Variants in TNRC18 observed in about 807,000 individuals in gnomAD.
TNRC18 encodes the protein trinucleotide repeat containing 18.
Under a neutral mutation model 226.7 loss-of-function variants are expected in TNRC18, and 69 were observed. That is an observed-to-expected ratio of 0.30 (90% CI 0.25 to 0.37). The LOEUF (loss-of-function observed/expected upper bound fraction) is 0.37. Among genes scored for constraint, TNRC18 ranks in the 10% least tolerant of loss-of-function variants. TNRC18 has a pLI of 1.00. For missense variants in TNRC18, 4,754 were observed against 4,256.6 expected, an observed-to-expected ratio of 1.12 and a Z score of -3.25; for synonymous variants, 2,449 against 1,927.6, an observed-to-expected ratio of 1.27 and a Z score of -7.09.
At chr7:5,391,456 C>T (rs768102852) in intron 3 of TNRC18, among the ~76,000 whole-genome samples, 11 of 151,876 alleles carry the variant, frequency 7.2e-5, no homozygotes, top group Admixed American at 2.0e-4. Context: ...GGATTACAGG[C>T]GCCTGCTACC....
chr7:5,388,930 G>C lies in TNRC18; in HGVS notation c.894C>G (p.Ala298=). The C allele has an allele frequency of 1.5e-6, 2 of 1,378,200 alleles. No homozygotes were observed. Among genetic ancestry groups the C allele is most frequent in the South Asian group, 1.4e-5 (1 of 72,618 alleles). The allele number at this position is 1,378,200 out of a possible 1,614,324, so 85.4% of individuals were successfully genotyped here. The change falls in exon 5 of 30, where the codon GCC becomes GCG. Residue 298 remains alanine (A), a synonymous_variant. Coordinates refer to ENST00000430969, the MANE Select transcript of TNRC18 (RefSeq NM_001080495.3). The part of the protein sequence containing the change: ...AGDVGLPALV[A]EAGRGGAKEA... The stretch of plus-strand genomic sequence containing the variant: ...CCTTGGCACCCCCGCGCCCCGCTTC[G>C]GCCACCAGCGCGGGCAGCCCCACGT...
rs537981931 is a variant in TNRC18 at position 5,385,465 on chromosome 7, G to A, written c.2152+2207C>T. On this transcript the variant is annotated intron_variant, in intron 5 of 29. Transcript: ENST00000430969. ...ATTGCGCCACTGCAGTCCGCAGTCC[G>A]GCCTGGGCGACAGAGCGAGACTCCG... is the stretch of plus-strand genomic sequence containing the variant. Among the ~76,000 whole-genome samples, 27 of 140,580 alleles carry A rather than the reference G, an allele frequency of 1.9e-4. No homozygotes were observed. The East Asian group carries it at 2.7e-3, about 14-fold the overall frequency. The allele number at this position is 140,580 out of a possible 152,430, so 92.2% of individuals were successfully genotyped here. A position where few individuals can be genotyped will look rare whatever the true frequency, so the allele number is the denominator to read the frequency against.
At position 5,307,271 on chromosome 7, in the gene TNRC18, ATATT is replaced by A. The variant is rs1391991907; in HGVS notation, c.*831_*834del. The A allele has an allele frequency of 2.0e-5, 3 of 149,082 alleles. No homozygotes were observed. The highest frequency in any genetic ancestry group is 6.7e-5 in the Admixed American group (1 of 14,902). 9.2% of individuals were successfully genotyped at this position (149,082 alleles called of 1,614,324 possible). ...AAAAAGTTTATATATATATTTATAT[ATATT>A]TATCTTTATATATATAATTAAAAAG... is the stretch of plus-strand genomic sequence containing the variant. On this transcript the variant is annotated 3_prime_UTR_variant, in exon 30 of 30. Coordinates refer to ENST00000430969, the MANE Select transcript of TNRC18 (RefSeq NM_001080495.3).
At chr7:5,382,756 A>C (rs1172405489) in intron 5 of TNRC18, among the ~76,000 whole-genome samples, 2 of 152,048 alleles carry the variant, frequency 1.3e-5, no homozygotes, top group Non-Finnish European at 2.9e-5. Context: ...CTCCCCGCTC[A>C]GCCTTGCCTC....
intron 19 of TNRC18, among the ~76,000 whole-genome samples, chr7:5,326,251 T>TA (rs796175415): frequency 1.0e-3 from 147 of 145,860 alleles, no homozygotes; most frequent in Admixed American, 1.5e-3. Context: ...CACAGTATTT[T>TA]AAAAAAAAAA....
chr7:5,356,822 G>A (rs992326069), intron 16 of TNRC18, 94 bp downstream of exon 16: 1 of 1,353,516 alleles, frequency 7.4e-7, no homozygotes, highest in African/African-American at 2.3e-5. Context: ...GAGAGAGAGA[G>A]TGAGGGGCGG....
intron 24 of TNRC18, among the ~76,000 whole-genome samples, chr7:5,319,249 G>A (rs1054970578): frequency 2.2e-4 from 34 of 152,326 alleles, no homozygotes; most frequent in Admixed American, 3.9e-4. Context: ...CCACTCATCT[G>A]TTGTTTTGCT....
At chr7:5,392,089 C>T (rs1303850694) in intron 3 of TNRC18, among the ~76,000 whole-genome samples, 1 of 152,040 alleles carries the variant, frequency 6.6e-6, no homozygotes, top group Admixed American at 6.6e-5. Context: ...CTCTCCAGCA[C>T]CGCCTTGTCA....
chr7:5,370,533 G>A lies in TNRC18; in HGVS notation c.4061C>T (p.Ala1354Val). ...AGCACCCGGGGAGGGCAGAGGCCTG[G>A]CCTGGGGCAGCTCCGCAGCTGCCGC... ...ALAAAAELPQ[A>V]RPLPSPGAAG... Residue 1354 changes from alanine to valine, a missense_variant, in exon 11 of 30, where the codon GCC becomes GTC. Physicochemically the swap from Ala to Val is moderately conservative, Grantham distance 64. Transcript: ENST00000430969. 1 of 1,604,094 alleles carries A rather than the reference G, an allele frequency of 6.2e-7. No individual in the cohort carries two copies. The highest frequency in any genetic ancestry group is 1.1e-5 in the South Asian group (1 of 89,566).
At chr7:5,385,760 G>A (rs1431004573) in intron 5 of TNRC18, among the ~76,000 whole-genome samples, 4 of 150,634 alleles carry the variant, frequency 2.7e-5, no homozygotes, top group East Asian at 2.0e-4. Flanking sequence ...GATCAACTGC[G>A]GCCAGGAGTT....
chr7:5,356,633 C>T lies in TNRC18; in HGVS notation c.5194+283G>A, dbSNP rs574459479. Among the ~76,000 whole-genome samples, 62 of 152,300 alleles carry T rather than the reference C, an allele frequency of 4.1e-4. 1 individual carries two copies. The highest frequency in any genetic ancestry group is 3.4e-3 in the Middle Eastern group (1 of 294). ...CAAATGGCGGGCGGGCAAGACAGGG[C>T]CGGCGGAGGTCGGCTCCCAACCGCC... On this transcript the variant is annotated intron_variant, in intron 16 of 29. Transcript: ENST00000430969.
chr7:5,363,056 G>T (rs1350547340), intron 11 of TNRC18, among the ~76,000 whole-genome samples: 2 of 152,152 alleles, frequency 1.3e-5, no homozygotes, highest in Admixed American at 6.5e-5. Context: ...CACTTTGGGT[G>T]GCTGAGGCGG....
chr7:5,380,826 A>G (rs936050551), intron 5 of TNRC18, among the ~76,000 whole-genome samples: 4 of 152,168 alleles, frequency 2.6e-5, no homozygotes, highest in Non-Finnish European at 5.9e-5. Flanking sequence ...TCGAGTCATG[A>G]GATCAAGCTT....
In TNRC18 at chr7:5,358,266, G is replaced by C. The variant is rs574628885; in HGVS notation, c.4834-990C>G. Among the ~76,000 whole-genome samples the C allele has an allele frequency of 1.4e-4, 22 of 152,316 alleles. No homozygotes were observed. In the South Asian group the frequency reaches 2.3e-3, roughly 16 times the overall value. ...ATTCCTGCCTGCATGTCTATCGTCAGCTGTAGTCATTTGTTGAAGCGAAAC... is the reference window on the plus strand; with the variant it reads ...ATTCCTGCCTGCATGTCTATCGTCACCTGTAGTCATTTGTTGAAGCGAAAC... On this transcript the variant is annotated intron_variant, in intron 15 of 29. Coordinates refer to ENST00000430969, the MANE Select transcript of TNRC18 (RefSeq NM_001080495.3).
chr7:5,378,042 G>T lies in TNRC18; in HGVS notation c.2153-18C>A, dbSNP rs1376905555. On this transcript the variant is annotated intron_variant, in intron 5 of 29. Coordinates refer to ENST00000430969, the MANE Select transcript of TNRC18 (RefSeq NM_001080495.3). ...GCCGTGCCCTGCAGGGGGCCAGGTG[G>T]AAGTGAGCCCCCAGCCAGCACCGAG... 6 of 1,599,798 alleles carry T rather than the reference G, an allele frequency of 3.8e-6. No homozygotes were observed. Among genetic ancestry groups the T allele is most frequent in the Middle Eastern group, 1.7e-4 (1 of 5,762 alleles).
In TNRC18 at chr7:5,361,928, G is replaced by C. The variant is rs747375280; in HGVS notation, c.4501C>G (p.Leu1501Val). 7 of 1,601,108 alleles carry C rather than the reference G, an allele frequency of 4.4e-6. No homozygotes were observed. The highest frequency in any genetic ancestry group is 6.0e-6 in the Non-Finnish European group (7 of 1,175,090). ...TCCCGGCGGCGCTGCAGCTTCACCA[G>C]CTCACGCTGCTTCTCCTTGTACTGG... ...QRQYKEKQRELVKLQRRRDSE... is the reference protein window; with the variant it reads ...QRQYKEKQREVVKLQRRRDSE... Residue 1501 changes from leucine (L) to valine (V), a missense_variant, in exon 13 of 30, where the codon CTG becomes GTG. Transcript: ENST00000430969.
At position 5,377,153 on chromosome 7, in the gene TNRC18, C is replaced by T. The variant is rs1779039223; in HGVS notation, c.2462-160G>A. 6.6e-6 allele frequency among the ~76,000 whole-genome samples: 1 copy of T among 152,208 alleles called. No homozygotes were observed. The highest frequency in any genetic ancestry group is 2.1e-4 in the South Asian group (1 of 4,836). On this transcript the variant is annotated intron_variant, in intron 7 of 29. Coordinates refer to ENST00000430969, the MANE Select transcript of TNRC18 (RefSeq NM_001080495.3). This position sits in a 1 kb window ranked among gnomAD's most constrained non-coding sequence, Gnocchi z 5.8. The stretch of plus-strand genomic sequence containing the variant: ...GTGCTGGCTGGCTGCAAAGAGCACC[C>T]CAGAGCCACCCGCATTGGGCATCTG...
At chr7:5,379,813 G>T (rs1583990772) in intron 5 of TNRC18, among the ~76,000 whole-genome samples, 1 of 152,328 alleles carries the variant, frequency 6.6e-6, no homozygotes, top group South Asian at 2.1e-4. Flanking sequence ...ACAGGCGGAG[G>T]CACGGCTGAT....
chr7:5,318,877 A>G (rs1788089498), intron 24 of TNRC18, among the ~76,000 whole-genome samples: 1 of 152,246 alleles, frequency 6.6e-6, no homozygotes, highest in African/African-American at 2.4e-5. Flanking sequence ...TGAAGCGATT[A>G]CAAACATACA....
Sources: gnomAD v4.1 joint callset for allele counts (sites outside exome capture counted in the v4.1 genomes callset) on GRCh38, gnomAD v4.1.1 for gene constraint, Gnocchi (gnomAD v3.1) non-coding constraint, MANE v1.5 for transcripts, NCBI Gene and HGNC (gene_info 2026-07-23, HGNC 2026-07-21) for gene names.